Variants in PARG observed in about 807,000 individuals in gnomAD.
The protein encoded by PARG is mitochondrial poly(ADP-ribose) glycohydrolase.
Under a neutral mutation model 113.0 loss-of-function variants are expected in PARG, and 35 were observed. The ratio of observed to expected loss-of-function variants is 0.31; its 90% CI spans 0.24 to 0.41. PARG has a LOEUF of 0.41. PARG is among the 10% of genes least tolerant of loss of function. PARG has a pLI of 1.00. For synonymous variants in PARG, 330 were observed against 409.9 expected, an observed-to-expected ratio of 0.81 and a Z score of 2.36; for missense variants, 797 against 1,169.4, an observed-to-expected ratio of 0.68 and a Z score of 4.64.
intron 6 of PARG, 30 bp downstream of exon 6, chr10:49,922,306 A>G: frequency 5.1e-6 from 8 of 1,582,340 alleles, no homozygotes; most frequent in Non-Finnish European, 6.9e-6. Flanking sequence ...CAGGGCCCAT[A>G]AACAGGCAAG....
intron 7 of PARG, among the ~76,000 whole-genome samples, chr10:49,890,518 G>A (rs1273185666): frequency 2.6e-5 from 4 of 152,100 alleles, no homozygotes; most frequent in African/African-American, 9.7e-5. Flanking sequence ...GTTAACAGAC[G>A]TGGTCACTGA....
In PARG at chr10:49,826,836, GT is replaced by G. The variant is rs140992324; in HGVS notation, c.2647+5966del. ...TCTTCTTGGGTCACTCAACTGCAGG[GT>G]TGCAAGACTGGAACTATTTGGTCCT... On this transcript the variant is annotated intron_variant, in intron 16 of 17. Coordinates refer to ENST00000616448, the MANE Select transcript of PARG (RefSeq NM_003631.5). Among the ~76,000 whole-genome samples, 17 of 152,268 alleles carry G rather than the reference GT, an allele frequency of 1.1e-4. No homozygotes were observed. The East Asian group carries it at 3.3e-3, about 29-fold the overall frequency.
At chr10:49,838,912 T>C (rs1372639092) in intron 15 of PARG, among the ~76,000 whole-genome samples, 1 of 152,240 alleles carries the variant, frequency 6.6e-6, no homozygotes, top group Non-Finnish European at 1.5e-5. Context: ...CTCAACTTAC[T>C]AGGCTTTATT....
chr10:49,920,931 C>T (rs1402494482), intron 6 of PARG, among the ~76,000 whole-genome samples: 1 of 152,060 alleles, frequency 6.6e-6, no homozygotes, highest in African/African-American at 2.4e-5. Context: ...CCCCTAAAAC[C>T]TTCTTAGTCA....
intron 13 of PARG, among the ~76,000 whole-genome samples, chr10:49,852,433 T>C (rs1338207623): frequency 7.3e-5 from 11 of 151,438 alleles, no homozygotes; most frequent in African/African-American, 2.7e-4. Context: ...TGGGGACAAA[T>C]TATCTTTAAA....
chr10:49,940,547 C>T (rs1838984731), intron 1 of PARG, among the ~76,000 whole-genome samples: 1 of 151,348 alleles, frequency 6.6e-6, no homozygotes. Flanking sequence ...GGCGGAGTTT[C>T]GCTCTTGTTG....
intron 7 of PARG, among the ~76,000 whole-genome samples, chr10:49,895,565 G>A (rs188820431): frequency 1.4e-4 from 21 of 152,000 alleles, no homozygotes; most frequent in Admixed American, 1.3e-3. Flanking sequence ...CACCACGCCT[G>A]GCTAATTTTT....
chr10:49,829,456 T>C (rs1408549811), intron 16 of PARG, among the ~76,000 whole-genome samples: 1 of 152,090 alleles, frequency 6.6e-6, no homozygotes, highest in African/African-American at 2.4e-5. Context: ...TACCTGCCCA[T>C]GTTACCCACC....
intron 4 of PARG, among the ~76,000 whole-genome samples, chr10:49,930,132 T>A (rs1838414006): frequency 6.6e-6 from 1 of 152,244 alleles, no homozygotes; most frequent in African/African-American, 2.4e-5. Flanking sequence ...TGCACAAAAA[T>A]GGGTTATCTT....
At chr10:49,912,102 C>T (rs1364809486) in intron 7 of PARG, among the ~76,000 whole-genome samples, 1 of 151,802 alleles carries the variant, frequency 6.6e-6, no homozygotes, top group African/African-American at 2.4e-5. Flanking sequence ...GAGTTCGAGA[C>T]CAGCCTGGCC....
chr10:49,829,258 C>T (rs1554829931), intron 16 of PARG, among the ~76,000 whole-genome samples: 1 of 151,910 alleles, frequency 6.6e-6, no homozygotes, highest in Non-Finnish European at 1.5e-5. Context: ...AAAAAATTTG[C>T]CTTCTTTCTT....
chr10:49,886,907 T>C (rs1847519142), intron 7 of PARG, among the ~76,000 whole-genome samples: 1 of 152,230 alleles, frequency 6.6e-6, no homozygotes, highest in Admixed American at 6.5e-5. Context: ...TAAAAAATCA[T>C]ATATTCATAG....
Position 49,933,834 on chromosome 10 carries a change from C to T in PARG, c.614G>A (p.Arg205Lys), listed in dbSNP as rs1838613600. 6.2e-7 allele frequency: 1 copy of T among 1,608,872 alleles called. No individual in the cohort carries two copies. The highest frequency in any genetic ancestry group is 1.7e-5 in the Admixed American group (1 of 59,984). The change falls in exon 3 of 18, where the codon AGA (arginine) becomes AAA (lysine). Residue 205 changes from arginine to lysine, a missense_variant. By Grantham distance (26) the Arg-to-Lys change is conservative. Around this residue, in one of 5 missense-constraint regions of PARG, gnomAD observed 284 missense variants for 306.1 expected, o/e 0.93. Transcript: ENST00000616448. The part of the protein sequence containing the change: ...DHSDTDSEEN[R>K]DNQQFLTTVK... ...AGTTGTGAGAAACTGTTGATTGTCT[C>T]TATTCTCTTCACTATCTGTGTCACT...
At chr10:49,878,952 A>C (rs1471492307) in intron 9 of PARG, among the ~76,000 whole-genome samples, 5 of 152,160 alleles carry the variant, frequency 3.3e-5, no homozygotes, top group African/African-American at 1.2e-4. Flanking sequence ...GGGAGTAGTG[A>C]GTAGGAGGGA....
At chr10:49,910,676 G>A (rs1837124901) in intron 7 of PARG, among the ~76,000 whole-genome samples, 1 of 151,966 alleles carries the variant, frequency 6.6e-6, no homozygotes, top group South Asian at 2.1e-4. Context: ...AAATCCTTAG[G>A]CTTCCTTTCA....
intron 4 of PARG, among the ~76,000 whole-genome samples, chr10:49,929,530 T>G (rs1838382798): frequency 6.6e-6 from 1 of 152,274 alleles, no homozygotes; most frequent in Non-Finnish European, 1.5e-5. Flanking sequence ...AAGCTATTTT[T>G]AGAAATACAG....
intron 6 of PARG, among the ~76,000 whole-genome samples, chr10:49,919,528 G>A (rs2132871664): frequency 6.6e-6 from 1 of 152,228 alleles, no homozygotes; most frequent in Middle Eastern, 3.4e-3. Context: ...AAATTCTAAC[G>A]AACCTTCATC....
intron 4 of PARG, among the ~76,000 whole-genome samples, chr10:49,931,590 C>T (rs1399697099): frequency 2.0e-5 from 3 of 151,642 alleles, no homozygotes; most frequent in South Asian, 2.1e-4. Context: ...TCAGCACTCT[C>T]GACTCACTGG....
rs1303617718 is a variant in PARG at position 49,858,360 on chromosome 10, C to T, written c.2206-907G>A. On this transcript the variant is annotated intron_variant, in intron 12 of 17. Transcript: ENST00000616448. ...ACACACACACACACACACACACACA[C>T]ACACACACACAACTTGTGTATATAC... Among the ~76,000 whole-genome samples, 80 of 150,554 alleles carry T rather than the reference C, an allele frequency of 5.3e-4. 1 individual carries two copies. In the East Asian group the frequency reaches 0.014, roughly 26 times the overall value.
Sources: allele counts gnomAD v4.1 joint callset (sites outside exome capture counted in the v4.1 genomes callset), GRCh38; gene constraint gnomAD v4.1.1; regional missense constraint gnomAD v4.1.1; transcripts MANE v1.5; gene names NCBI Gene and HGNC (gene_info 2026-07-23, HGNC 2026-07-21).